ADGRG6: variants seen among roughly 807,000 people sequenced by gnomAD.
The protein encoded by ADGRG6 is G-protein coupled receptor 126.
Under a neutral mutation model 142.4 loss-of-function variants are expected in ADGRG6, and 84 were observed. That is an observed-to-expected ratio of 0.59 (90% CI 0.49 to 0.71). The LOEUF is 0.71. Ranked by LOEUF, ADGRG6 falls within the 30% of genes least tolerant of loss-of-function variation. ADGRG6 has a pLI of 0.00. For synonymous variants in ADGRG6, 521 were observed against 520.5 expected (o/e 1.00, Z -0.01); for missense variants, 1,367 against 1,466.6 (o/e 0.93, Z 1.11).
At chr6:142,331,278 C>G (rs1261416233) in intron 2 of ADGRG6, among the ~76,000 whole-genome samples, 1 of 152,076 alleles carries the variant, frequency 6.6e-6, no homozygotes, top group Non-Finnish European at 1.5e-5. Flanking sequence ...TGCCCCTCCC[C>G]TCTGAATCTT....
rs966164603 is a variant in ADGRG6, at chr6:142,445,506, A to C, written c.*1991A>C. On this transcript the variant is annotated 3_prime_UTR_variant, in exon 25 of 25. Coordinates refer to ENST00000367609, the MANE Select transcript of ADGRG6 (RefSeq NM_198569.3). ...CAAAGTGCTTAGTCAATAGTAATTA[A>C]GATATAGCTTCAAAAATGGCTTTGC... The C allele has an allele frequency of 6.6e-5, 10 of 152,194 alleles. No homozygotes were observed. Among genetic ancestry groups the C allele is most frequent in the African/African-American group, 2.4e-4 (10 of 41,446 alleles). 9.4% of individuals were successfully genotyped at this position (152,194 alleles called of 1,614,324 possible). A position where few individuals can be genotyped will look rare whatever the true frequency, so the allele number is the denominator to read the frequency against.
At chr6:142,337,215 G>A (rs555236980) in intron 2 of ADGRG6, among the ~76,000 whole-genome samples, 1 of 152,200 alleles carries the variant, frequency 6.6e-6, no homozygotes, top group South Asian at 2.1e-4. Flanking sequence ...ATGTAATCTG[G>A]TATTCTTTGT....
At chr6:142,400,182 G>A (rs1205917917) in intron 10 of ADGRG6, among the ~76,000 whole-genome samples, 2 of 152,098 alleles carry the variant, frequency 1.3e-5, no homozygotes, top group African/African-American at 4.8e-5. Flanking sequence ...AATAAAACTA[G>A]TATCTGCTAA....
chr6:142,440,893 A>T, intron 24 of ADGRG6: 1 of 1,325,754 alleles, frequency 7.5e-7, no homozygotes, highest in Non-Finnish European at 1.0e-6. Flanking sequence ...AGATATTCAT[A>T]TGTTTATGGT....
intron 9 of ADGRG6, 27 bp downstream of exon 9, chr6:142,393,985 T>A: frequency 7.2e-7 from 1 of 1,379,442 alleles, no homozygotes; most frequent in Non-Finnish European, 1.0e-6. Context: ...TTGTAAAGAG[T>A]ATAACATTCT....
intron 2 of ADGRG6, among the ~76,000 whole-genome samples, chr6:142,359,929 G>C (rs1780636652): frequency 6.6e-6 from 1 of 152,162 alleles, no homozygotes; most frequent in Non-Finnish European, 1.5e-5. Context: ...AGATCTTTCT[G>C]GTAGTGATGT....
At chr6:142,302,606 G>A (rs1211737649) in intron 1 of ADGRG6, 2 of 441,630 alleles carry the variant, frequency 4.5e-6, no homozygotes, top group Non-Finnish European at 4.0e-6. Context: ...AATAAGAAGG[G>A]CAGGGCTTCA....
chr6:142,366,471 C>G (rs1372063232), intron 2 of ADGRG6, among the ~76,000 whole-genome samples: 1 of 152,196 alleles, frequency 6.6e-6, no homozygotes, highest in Non-Finnish European at 1.5e-5. Context: ...AATGTCACCT[C>G]TTTGGAGAAC....
At chr6:142,388,040 G>A (rs1249822094) in intron 6 of ADGRG6, among the ~76,000 whole-genome samples, 1 of 152,062 alleles carries the variant, frequency 6.6e-6, no homozygotes, top group Admixed American at 6.6e-5. Flanking sequence ...TTACTGCTAT[G>A]GTAACATGGA....
At chr6:142,428,048 A>G (rs1243764612) in intron 22 of ADGRG6, among the ~76,000 whole-genome samples, 1 of 152,120 alleles carries the variant, frequency 6.6e-6, no homozygotes, top group African/African-American at 2.4e-5. Flanking sequence ...TTCTTGTCAC[A>G]TTTGTTTATT....
chr6:142,350,625 A>G (rs1365848069), intron 2 of ADGRG6, among the ~76,000 whole-genome samples: 3 of 152,240 alleles, frequency 2.0e-5, no homozygotes, highest in Admixed American at 6.5e-5. Context: ...GAATAAATAT[A>G]AAGTGACTAG....
chr6:142,303,659 T>C (rs1052695948), intron 1 of ADGRG6, among the ~76,000 whole-genome samples: 4 of 152,224 alleles, frequency 2.6e-5, no homozygotes, highest in Admixed American at 6.5e-5. Context: ...TTTGAAGTAA[T>C]ATGAGCTTGT....
chr6:142,354,469 T>C (rs1335497922), intron 2 of ADGRG6, among the ~76,000 whole-genome samples: 2 of 152,194 alleles, frequency 1.3e-5, no homozygotes, highest in African/African-American at 4.8e-5. Flanking sequence ...CATTATTAAG[T>C]CTTCTATGAA....
intron 1 of ADGRG6, among the ~76,000 whole-genome samples, chr6:142,308,460 T>A (rs1187965240): frequency 6.6e-6 from 1 of 151,970 alleles, no homozygotes; most frequent in Non-Finnish European, 1.5e-5. Context: ...CATTTGAGTA[T>A]TTCTCTTTCT....
intron 1 of ADGRG6, among the ~76,000 whole-genome samples, chr6:142,306,141 C>T (rs9385991): frequency 0.098 from 14,948 of 152,086 alleles, 1,584 homozygotes; most frequent in East Asian, 0.62. Context: ...GCATTAGTAT[C>T]GTATCAATTT....
Position 142,367,667 on chromosome 6 carries a change from A to G in ADGRG6, c.202A>G (p.Met68Val), listed in dbSNP as rs202040079. 307 of 1,613,782 alleles carry G rather than the reference A, an allele frequency of 1.9e-4. 1 individual carries two copies. The African/African-American group carries it at 3.3e-3, about 17-fold the overall frequency. The change falls in exon 3 of 25, where the codon ATG becomes GTG. Residue 68 changes from methionine (M) to valine (V), a missense_variant. Met to Val is a conservative substitution (Grantham distance 21). Transcript: ENST00000367609. The stretch of plus-strand genomic sequence containing the variant: ...CGACTACCCAAACAGCCAGGCTTGC[A>G]TGTGGACGCTCCGAGCCCCCACCGG... ...PNDYPNSQAC[M>V]WTLRAPTGYI...
intron 4 of ADGRG6, among the ~76,000 whole-genome samples, chr6:142,374,223 A>G (rs1293786847): frequency 6.6e-6 from 1 of 151,982 alleles, no homozygotes; most frequent in African/African-American, 2.4e-5. Flanking sequence ...TGAACCACAT[A>G]CTTTGGACAG....
chr6:142,369,029 C>T (rs111374947), intron 3 of ADGRG6, among the ~76,000 whole-genome samples: 2,259 of 152,108 alleles, frequency 0.015, 50 homozygotes, highest in African/African-American at 0.051. Flanking sequence ...GTCCATGATT[C>T]CTTTAAATTC....
chr6:142,429,057 T>C (rs771486697), intron 22 of ADGRG6, among the ~76,000 whole-genome samples: 10 of 152,184 alleles, frequency 6.6e-5, no homozygotes, highest in Admixed American at 2.0e-4. Flanking sequence ...TTTTGTGGTA[T>C]ACAAATTGCT....
Sources: allele counts gnomAD v4.1 joint callset (sites outside exome capture counted in the v4.1 genomes callset), GRCh38; gene constraint gnomAD v4.1.1; transcripts MANE v1.5; gene names NCBI Gene and HGNC (gene_info 2026-07-23, HGNC 2026-07-21).